The following MSANTD3 variants were observed in gnomAD, a reference collection of about 807,000 sequenced individuals.
The protein encoded by MSANTD3 is Myb/SANT DNA binding domain containing 3, also known as myb/SANT-like DNA-binding domain-containing protein 3.
MSANTD3 carries 11 observed loss-of-function variants against 27.7 expected under a neutral mutation model. The observed-to-expected ratio is 0.40, with a 90% CI of 0.25 to 0.66. The LOEUF (loss-of-function observed/expected upper bound fraction) is 0.66, where lower values mean the gene tolerates loss of function less well. Among genes scored for constraint, MSANTD3 ranks in the 30% least tolerant of loss-of-function variants. The pLI, the probability that MSANTD3 is intolerant of heterozygous loss-of-function variation, is 0.41. For missense variants in MSANTD3, 250 were observed against 336.5 expected (o/e 0.74, Z 2.01); for synonymous variants, 131 against 127.2 (o/e 1.03, Z -0.20).
intron 2 of MSANTD3, among the ~76,000 whole-genome samples, chr9:100,445,803 G>A (rs1836739633): frequency 6.6e-6 from 1 of 152,136 alleles, no homozygotes; most frequent in Admixed American, 6.5e-5. Context: ...CTTGATCACT[G>A]TCCCTTGGAT....
At chr9:100,428,044 G>A (rs986810427) in intron 1 of MSANTD3, among the ~76,000 whole-genome samples, 1 of 152,174 alleles carries the variant, frequency 6.6e-6, no homozygotes, top group African/African-American at 2.4e-5. Context: ...GTATGTACCA[G>A]GCCCTAGGTA....
intron 1 of MSANTD3, among the ~76,000 whole-genome samples, chr9:100,438,249 AAAC>A (rs1290419413): frequency 6.6e-6 from 1 of 152,234 alleles, no homozygotes; most frequent in African/African-American, 2.4e-5. Context: ...CAGAATAAAA[AAAC>A]AAAATAGGGA....
rs1836875627 is a variant in MSANTD3, at chr9:100,451,089, T to C, written c.*123T>C. ...GGAAAATTAGAGTGGTAGTAGTCAC[T>C]TATTTAAGAATTCATTCAGGTAAAC... On this transcript the variant is annotated 3_prime_UTR_variant, in exon 3 of 3. Coordinates refer to ENST00000395067, the MANE Select transcript of MSANTD3 (RefSeq NM_080655.3). 5 of 961,844 alleles carry C rather than the reference T, an allele frequency of 5.2e-6. No individual in the cohort carries two copies. The Admixed American group carries it at 1.4e-4, about 27-fold the overall frequency. The allele number at this position is 961,844 out of a possible 1,614,324, so 59.6% of individuals were successfully genotyped here.
At chr9:100,439,602 C>CG (rs764364667) in intron 1 of MSANTD3, among the ~76,000 whole-genome samples, 77 of 151,848 alleles carry the variant, frequency 5.1e-4, no homozygotes, top group Non-Finnish European at 9.4e-4. Context: ...CTCCGCCCCC[C>CG]GGGGTCAAGC....
intron 1 of MSANTD3, among the ~76,000 whole-genome samples, chr9:100,440,780 CTTTTTTTTTTTTTTTT>C (rs529362356): frequency 1.2e-5 from 1 of 85,696 alleles, no homozygotes; most frequent in Non-Finnish European, 2.2e-5. Context: ...TTTTTCTTCC[CTTTTTTTTTTTTTTTT>C]TTTTTTTTTT....
chr9:100,445,311 T>C, intron 2 of MSANTD3: 2 of 899,044 alleles, frequency 2.2e-6, no homozygotes, highest in Non-Finnish European at 3.6e-6. Context: ...GTGTGTGTGA[T>C]CTTTCTATTT....
At chr9:100,443,567 A>AGATT (rs1836682046) in intron 2 of MSANTD3, among the ~76,000 whole-genome samples, 15 of 152,220 alleles carry the variant, frequency 9.9e-5, no homozygotes, top group Admixed American at 3.9e-4. Flanking sequence ...AAAAGCTCCA[A>AGATT]AAGAAATTAA....
chr9:100,441,199 A>G (rs963963410), intron 1 of MSANTD3, among the ~76,000 whole-genome samples: 7 of 151,796 alleles, frequency 4.6e-5, no homozygotes, highest in African/African-American at 1.5e-4. Context: ...CTCCCACATC[A>G]TATTTTATAT....
intron 1 of MSANTD3, among the ~76,000 whole-genome samples, chr9:100,429,283 T>G (rs1836311810): frequency 6.6e-6 from 1 of 152,104 alleles, no homozygotes. Context: ...CAGTTTGGGG[T>G]TTGAATCCTA....
intron 2 of MSANTD3, among the ~76,000 whole-genome samples, chr9:100,449,357 CCAAA>C (rs1476832003): frequency 1.3e-5 from 2 of 152,196 alleles, no homozygotes; most frequent in African/African-American, 4.8e-5. Context: ...CCATTGTGTA[CCAAA>C]CAAAGTAATT....
chr9:100,439,367 C>T (rs939469388), intron 1 of MSANTD3, among the ~76,000 whole-genome samples: 1 of 152,112 alleles, frequency 6.6e-6, no homozygotes, highest in African/African-American at 2.4e-5. Flanking sequence ...CACAGCCTCC[C>T]CTGCTTAATT....
At chr9:100,443,617 T>C (rs1268550731) in intron 2 of MSANTD3, among the ~76,000 whole-genome samples, 3 of 152,054 alleles carry the variant, frequency 2.0e-5, no homozygotes, top group African/African-American at 4.8e-5. Context: ...GAGAAAAATA[T>C]GTCATACATA....
rs1438644805 is a variant in MSANTD3, at chr9:100,430,963, G to A, written c.-34+3570G>A. Among the ~76,000 whole-genome samples the A allele has an allele frequency of 2.6e-5, 4 of 151,962 alleles. No homozygotes were observed. The East Asian group carries it at 7.7e-4, about 29-fold the overall frequency. On this transcript the variant is annotated intron_variant, in intron 1 of 2. Coordinates refer to ENST00000395067, the MANE Select transcript of MSANTD3 (RefSeq NM_080655.3). ...AGAGAGGTTGAGGCTTGGAAGAGAG[G>A]TTCTTCCATCACTGCCACTTTATTC...
intron 2 of MSANTD3, chr9:100,444,185 C>G (rs1222812857): frequency 2.0e-5 from 3 of 152,146 alleles, no homozygotes; most frequent in Non-Finnish European, 2.9e-5. Context: ...ATCATTTGAC[C>G]AAGGTTAAGT....
intron 1 of MSANTD3, among the ~76,000 whole-genome samples, chr9:100,432,630 A>G (rs1431711255): frequency 6.6e-6 from 1 of 152,228 alleles, no homozygotes; most frequent in African/African-American, 2.4e-5. Context: ...GGCACTCTTC[A>G]AGGAGCCATA....
intron 1 of MSANTD3, among the ~76,000 whole-genome samples, chr9:100,435,308 C>A (rs533296957): frequency 1.3e-5 from 2 of 152,190 alleles, no homozygotes; most frequent in East Asian, 3.9e-4. Flanking sequence ...CTATTAATGT[C>A]CTGAAGTCTG....
chr9:100,435,287 A>G (rs1440515619), intron 1 of MSANTD3, among the ~76,000 whole-genome samples: 3 of 152,130 alleles, frequency 2.0e-5, no homozygotes, highest in African/African-American at 4.8e-5. Flanking sequence ...CCTCACTTTA[A>G]GATCAGCAGT....
At chr9:100,434,015 A>G (rs1172961291) in intron 1 of MSANTD3, among the ~76,000 whole-genome samples, 1 of 152,104 alleles carries the variant, frequency 6.6e-6, no homozygotes, top group Non-Finnish European at 1.5e-5. Flanking sequence ...CTGTCTCGTC[A>G]CCAGCCTATC....
intron 1 of MSANTD3, among the ~76,000 whole-genome samples, chr9:100,433,372 T>C (rs374172624): frequency 5.0e-4 from 76 of 152,218 alleles, no homozygotes; most frequent in African/African-American, 1.8e-3. Flanking sequence ...TATATTATAC[T>C]ACCTTTTTTT....
Sources: gnomAD v4.1 joint callset for allele counts (sites outside exome capture counted in the v4.1 genomes callset) on GRCh38, gnomAD v4.1.1 for gene constraint, MANE v1.5 for transcripts, NCBI Gene and HGNC (gene_info 2026-07-23, HGNC 2026-07-21) for gene names.